Variants in RBMS3 observed in about 807,000 individuals in gnomAD.
The protein encoded by RBMS3 is RNA-binding motif, single-stranded-interacting protein 3.
Under a neutral mutation model 66.8 loss-of-function variants are expected in RBMS3, and 27 were observed. The observed-to-expected ratio is 0.40, with a 90% CI of 0.30 to 0.56. The LOEUF (loss-of-function observed/expected upper bound fraction) is 0.56. RBMS3 is among the 20% of genes least tolerant of loss of function. The pLI, the probability that RBMS3 is intolerant of heterozygous loss-of-function variation, is 0.40. For synonymous variants in RBMS3, 188 were observed against 183.0 expected, an observed-to-expected ratio of 1.03 and a Z score of -0.22; for missense variants, 513 against 549.5, an observed-to-expected ratio of 0.93 and a Z score of 0.66.
chr3:29,907,776 C>A (rs1467485702), intron 10 of RBMS3, among the ~76,000 whole-genome samples: 2 of 151,868 alleles, frequency 1.3e-5, no homozygotes, highest in Non-Finnish European at 2.9e-5. Flanking sequence ...ATTGCAGAAA[C>A]AATTTTAAAT....
intron 2 of RBMS3, among the ~76,000 whole-genome samples, chr3:29,451,098 T>G (rs1255049657): frequency 2.6e-5 from 4 of 152,218 alleles, no homozygotes; most frequent in Non-Finnish European, 5.9e-5. Flanking sequence ...CAACAAATGT[T>G]AACTGTTGGA....
At position 29,865,124 on chromosome 3, in the gene RBMS3, G is replaced by GGAAGGAAGGAAGGAAGGAAGGAAA. The variant is rs1294566084; in HGVS notation, c.638-3723_638-3722insGGAAGGAAGGAAAGAAGGAAGGAA. 9.0e-3 allele frequency among the ~76,000 whole-genome samples: 1,354 copies of GGAAGGAAGGAAGGAAGGAAGGAAA among 151,062 alleles called. 28 individuals are homozygous for GGAAGGAAGGAAGGAAGGAAGGAAA. Among genetic ancestry groups the GGAAGGAAGGAAGGAAGGAAGGAAA allele is most frequent in the African/African-American group, 0.031 (1,260 of 40,680 alleles). On this transcript the variant is annotated intron_variant, in intron 6 of 14. Coordinates refer to ENST00000383767, the MANE Select transcript of RBMS3 (RefSeq NM_001003793.3). ...AGGGAGGGAGGAAGGAAGGAAGGAAGGAAGGAAGGAAATTTGCCTAGTATT... is the reference window on the plus strand; with the variant it reads ...AGGGAGGGAGGAAGGAAGGAAGGAAGGAAGGAAGGAAGGAAGGAAGGAAAGAAGGAAGGAAATTTGCCTAGTATT...
At chr3:29,746,462 G>A (rs2054897033) in intron 5 of RBMS3, among the ~76,000 whole-genome samples, 1 of 152,178 alleles carries the variant, frequency 6.6e-6, no homozygotes, top group Non-Finnish European at 1.5e-5. Context: ...AGAGAATAAA[G>A]GTTGTATGTT....
intron 1 of RBMS3, among the ~76,000 whole-genome samples, chr3:29,358,457 T>C (rs2037360723): frequency 6.6e-6 from 1 of 152,180 alleles, no homozygotes; most frequent in African/African-American, 2.4e-5. Flanking sequence ...AACCTCGTAG[T>C]ATAGTTTGAA....
chr3:29,703,954 G>A (rs1448330414), intron 4 of RBMS3, among the ~76,000 whole-genome samples: 2 of 152,106 alleles, frequency 1.3e-5, no homozygotes, highest in Non-Finnish European at 2.9e-5. Context: ...ATTCTCATAG[G>A]AGCATGAACC....
At chr3:29,605,842 C>A (rs933419450) in intron 4 of RBMS3, among the ~76,000 whole-genome samples, 3 of 151,768 alleles carry the variant, frequency 2.0e-5, no homozygotes, top group African/African-American at 7.2e-5. Flanking sequence ...CTAACATGTT[C>A]ATTGCACTTC....
chr3:29,319,007 A>C (rs551585446), intron 1 of RBMS3, among the ~76,000 whole-genome samples: 1 of 151,996 alleles, frequency 6.6e-6, no homozygotes, highest in African/African-American at 2.4e-5. Context: ...TCAAAGAGAT[A>C]TAAAACAGGA....
chr3:29,820,881 A>G (rs1272253614), intron 6 of RBMS3, among the ~76,000 whole-genome samples: 1 of 152,160 alleles, frequency 6.6e-6, no homozygotes, highest in Non-Finnish European at 1.5e-5. Flanking sequence ...AGCCCAGAAG[A>G]TTGCGACCAA....
intron 12 of RBMS3, among the ~76,000 whole-genome samples, chr3:29,970,610 T>C (rs1190912915): frequency 6.6e-6 from 1 of 152,168 alleles, no homozygotes; most frequent in African/African-American, 2.4e-5. Flanking sequence ...ACTGGGTCTC[T>C]CAATATTTTG....
chr3:29,349,035 G>C (rs113927040), intron 1 of RBMS3, among the ~76,000 whole-genome samples: 36 of 152,232 alleles, frequency 2.4e-4, no homozygotes, highest in African/African-American at 8.4e-4. Flanking sequence ...AGGGAAGTTC[G>C]TACTTGACTT....
chr3:29,329,533 G>A (rs9814033), intron 1 of RBMS3, among the ~76,000 whole-genome samples: 124,436 of 152,010 alleles, frequency 0.82, 51,034 homozygotes, highest in Admixed American at 0.86. Context: ...GAGTTAACTC[G>A]CAGAATATCA....
intron 1 of RBMS3, among the ~76,000 whole-genome samples, chr3:29,389,598 C>G (rs1157591165): frequency 6.6e-6 from 1 of 152,156 alleles, no homozygotes; most frequent in African/African-American, 2.4e-5. Context: ...CCCATCTGGC[C>G]AAAGTTGAAT....
intron 4 of RBMS3, among the ~76,000 whole-genome samples, chr3:29,661,482 A>G (rs1266131225): frequency 6.6e-6 from 1 of 152,034 alleles, no homozygotes; most frequent in South Asian, 2.1e-4. Context: ...TCATTGCACT[A>G]TTTTTCAGAG....
intron 4 of RBMS3, among the ~76,000 whole-genome samples, chr3:29,597,377 T>G (rs539257281): frequency 6.6e-6 from 1 of 152,292 alleles, no homozygotes; most frequent in South Asian, 2.1e-4. Flanking sequence ...CATGCTATAT[T>G]TATTACACTA....
chr3:29,455,113 C>T (rs539680579), intron 2 of RBMS3, among the ~76,000 whole-genome samples: 1 of 152,146 alleles, frequency 6.6e-6, no homozygotes, highest in Non-Finnish European at 1.5e-5. Context: ...ATAATGCACT[C>T]TACATTTTGT....
chr3:29,932,497 T>C (rs947469941), intron 10 of RBMS3, among the ~76,000 whole-genome samples: 30 of 152,254 alleles, frequency 2.0e-4, no homozygotes, highest in Middle Eastern at 6.8e-3. Flanking sequence ...AGAGTCTAAT[T>C]TTTGTCTACT....
At chr3:29,831,776 G>A (rs1276255820) in intron 6 of RBMS3, among the ~76,000 whole-genome samples, 1 of 151,764 alleles carries the variant, frequency 6.6e-6, no homozygotes, top group Non-Finnish European at 1.5e-5. Context: ...TTTTCCTCTT[G>A]TTTTTCTAAG....
intron 4 of RBMS3, among the ~76,000 whole-genome samples, chr3:29,604,123 A>C (rs566753551): frequency 6.6e-6 from 1 of 152,078 alleles, no homozygotes; most frequent in African/African-American, 2.4e-5. Flanking sequence ...AGGTTGAGAA[A>C]CGCTATTTTG....
At chr3:29,566,694 G>A (rs1051778588) in intron 3 of RBMS3, among the ~76,000 whole-genome samples, 6 of 151,574 alleles carry the variant, frequency 4.0e-5, no homozygotes, top group Admixed American at 3.9e-4. Flanking sequence ...TCAATTAATG[G>A]AAGATTCTAG....
Sources: gnomAD v4.1 joint callset for allele counts (sites outside exome capture counted in the v4.1 genomes callset) on GRCh38, gnomAD v4.1.1 for gene constraint, MANE v1.5 for transcripts, NCBI Gene and HGNC (gene_info 2026-07-23, HGNC 2026-07-21) for gene names.